Variants in BACH1 observed in about 807,000 individuals in gnomAD.
BACH1 encodes BTB domain and CNC homolog 1, also known as transcription regulator protein BACH1.
A neutral mutation model predicts 52.9 loss-of-function variants in BACH1; 35 were observed. The observed-to-expected ratio is 0.66, with a 90% CI of 0.51 to 0.88. The LOEUF is 0.88. BACH1 is among the 40% of genes least tolerant of loss of function. BACH1 has a pLI of 0.00. For missense variants in BACH1, 808 were observed against 872.6 expected, an observed-to-expected ratio of 0.93 and a Z score of 0.93; for synonymous variants, 321 against 319.6, an observed-to-expected ratio of 1.00 and a Z score of -0.05.
intron 4 of BACH1, among the ~76,000 whole-genome samples, chr21:29,333,408 T>C (rs955991485): frequency 1.3e-5 from 2 of 152,226 alleles, no homozygotes; most frequent in African/African-American, 4.8e-5. Flanking sequence ...TTTTTGAAAG[T>C]AACATGGCCA....
chr21:29,317,245 G>A (rs569575701), intron 1 of BACH1, among the ~76,000 whole-genome samples: 216 of 152,296 alleles, frequency 1.4e-3, no homozygotes, highest in African/African-American at 4.9e-3. Flanking sequence ...CCCATCCCTG[G>A]TGCCAAAAAG....
At chr21:29,335,756 G>A (rs2089037353) in intron 4 of BACH1, among the ~76,000 whole-genome samples, 1 of 152,000 alleles carries the variant, frequency 6.6e-6, no homozygotes, top group African/African-American at 2.4e-5. Context: ...CTCTATCTCC[G>A]TCTATCCATC....
chr21:29,351,576 C>T, intron 2 of BACH1: 1 of 533,076 alleles, frequency 1.9e-6, no homozygotes, highest in Admixed American at 1.9e-5. Flanking sequence ...TTACTCTGGG[C>T]TTTAGAAGAC....
intron 2 of BACH1, chr21:29,351,859 G>A: frequency 2.2e-6 from 1 of 445,634 alleles, no homozygotes; most frequent in Admixed American, 2.5e-5. Flanking sequence ...CTGAACTTGT[G>A]TTTACTAGGG....
At chr21:29,311,052 G>C (rs1047838877) in intron 1 of BACH1, among the ~76,000 whole-genome samples, 1 of 152,194 alleles carries the variant, frequency 6.6e-6, no homozygotes, top group African/African-American at 2.4e-5. Flanking sequence ...ATCAGATTCT[G>C]TAAGGCAGAG....
chr21:29,328,396 T>A (rs1327468797), intron 3 of BACH1, among the ~76,000 whole-genome samples: 1 of 151,996 alleles, frequency 6.6e-6, no homozygotes, highest in Non-Finnish European at 1.5e-5. Context: ...AATTAAAATA[T>A]TTTTTCTTTT....
intron 1 of BACH1, chr21:29,299,625 C>T: frequency 6.6e-6 from 1 of 152,250 alleles, no homozygotes; most frequent in East Asian, 1.9e-4. Flanking sequence ...ATTCTGGAGA[C>T]ACCAGCTTTG....
chr21:29,356,094 G>A (rs572913434), intron 2 of BACH1, among the ~76,000 whole-genome samples: 47 of 152,324 alleles, frequency 3.1e-4, no homozygotes, highest in African/African-American at 1.1e-3. Context: ...AGAGTGTGTG[G>A]TAGTAGGATA....
chr21:29,305,331 G>A (rs779834262), intron 1 of BACH1: 4 of 152,070 alleles, frequency 2.6e-5, no homozygotes, highest in Non-Finnish European at 5.9e-5. Context: ...ATGTAATTAC[G>A]ATTAACTTTC....
At chr21:29,351,660 A>G (rs1238816200) in intron 2 of BACH1, 3 of 534,674 alleles carry the variant, frequency 5.6e-6, no homozygotes, top group Non-Finnish European at 1.2e-5. Flanking sequence ...TGATGTGCCA[A>G]GAAGTGTTCC....
intron 1 of BACH1, chr21:29,300,325 T>G (rs1261395531): frequency 2.6e-5 from 4 of 152,246 alleles, no homozygotes; most frequent in Non-Finnish European, 5.9e-5. Context: ...TGCTGAGTCA[T>G]TCGCCCCAGC....
At chr21:29,351,765 G>A (rs772703087) in intron 2 of BACH1, 1 of 534,598 alleles carries the variant, frequency 1.9e-6, no homozygotes, top group Non-Finnish European at 3.8e-6. Context: ...AATCAAGGAT[G>A]AAGTTTAACA....
At chr21:29,348,014 TA>T (rs201350199), downstream of BACH1, among the ~76,000 whole-genome samples, 80 of 152,062 alleles carry the variant, frequency 5.3e-4, 1 homozygote, top group Non-Finnish European at 1.8e-4. Flanking sequence ...CCCTTTGGAT[TA>T]AAAAAAATCT....
In BACH1 at chr21:29,327,278, C is replaced by A; in HGVS notation, c.1454C>A (p.Ser485Ter). The part of the protein sequence containing the change: ...NLEIGNDDYV[S>*]EPQQEPCPYA... Reference sequence around the variant, plus strand: ...GAAATTGGAAACGATGATTATGTTTCAGAACCCCAGCAAGAACCTTGCCCA... The same window carrying A: ...GAAATTGGAAACGATGATTATGTTTAAGAACCCCAGCAAGAACCTTGCCCA... Residue 485 changes from serine to a stop codon, truncating the protein, a stop_gained, in exon 3 of 5, where the codon TCA (serine) becomes TAA (stop). Transcript: ENST00000286800. LOFTEE classifies it high-confidence loss of function. 6.2e-7 allele frequency: 1 copy of A among 1,614,192 alleles called. No homozygotes were observed. Among genetic ancestry groups the A allele is most frequent in the Non-Finnish European group, 8.5e-7 (1 of 1,180,048 alleles).
downstream of BACH1, among the ~76,000 whole-genome samples, chr21:29,350,870 C>T (rs1347627707): frequency 6.6e-6 from 1 of 152,104 alleles, no homozygotes; most frequent in Non-Finnish European, 1.5e-5. Flanking sequence ...GAGAAAGATA[C>T]CCCAGAAGAG....
chr21:29,322,684 G>A (rs1003748667), intron 2 of BACH1, among the ~76,000 whole-genome samples: 1 of 152,212 alleles, frequency 6.6e-6, no homozygotes, highest in Non-Finnish European at 1.5e-5. Flanking sequence ...GTTGGATACG[G>A]TTGGATAAAC....
chr21:29,302,062 T>A (rs541322775), intron 1 of BACH1, among the ~76,000 whole-genome samples: 1 of 152,322 alleles, frequency 6.6e-6, no homozygotes, highest in African/African-American at 2.4e-5. Context: ...TGCTGATCTC[T>A]CCATGACTTA....
At chr21:29,357,423 G>A (rs553394263) in intron 2 of BACH1, among the ~76,000 whole-genome samples, 1 of 152,208 alleles carries the variant, frequency 6.6e-6, no homozygotes, top group Non-Finnish European at 1.5e-5. Context: ...TGGGAGAAAA[G>A]TGGCAGGGTT....
At chr21:29,317,756 T>G (rs1260887100) in intron 1 of BACH1, among the ~76,000 whole-genome samples, 1 of 152,244 alleles carries the variant, frequency 6.6e-6, no homozygotes, top group Non-Finnish European at 1.5e-5. Flanking sequence ...TTATCACCAC[T>G]AATAACAGCT....
Sources: allele counts gnomAD v4.1 joint callset (sites outside exome capture counted in the v4.1 genomes callset), GRCh38; gene constraint gnomAD v4.1.1; transcripts MANE v1.5; gene names NCBI Gene and HGNC (gene_info 2026-07-23, HGNC 2026-07-21).